The following PDE3B variants were observed in gnomAD, a reference collection of about 807,000 sequenced individuals.
PDE3B encodes the protein cGMP-inhibited 3',5'-cyclic phosphodiesterase 3B.
A neutral mutation model predicts 116.8 loss-of-function variants in PDE3B; 66 were observed. The observed-to-expected ratio is 0.56, with a 90% CI of 0.46 to 0.69. The LOEUF is 0.69. PDE3B is among the 30% of genes least tolerant of loss of function. The pLI is 0.00. For missense variants in PDE3B, 1,384 were observed against 1,368.1 expected (o/e 1.01, Z -0.18); for synonymous variants, 595 against 533.6 (o/e 1.12, Z -1.59).
chr11:14,896,888 C>G, the PDE3B span, among the ~76,000 whole-genome samples: 1 of 152,174 alleles, frequency 6.6e-6, no homozygotes, highest in Non-Finnish European at 1.5e-5. Flanking sequence ...TTTGAAGAAG[C>G]AAACTAACAG....
At chr11:14,889,977 A>C in the PDE3B span, among the ~76,000 whole-genome samples, 5 of 152,006 alleles carry the variant, frequency 3.3e-5, no homozygotes, top group Non-Finnish European at 7.4e-5. Flanking sequence ...AAATTACAAA[A>C]AATTAGCCGG....
intron 5 of PDE3B, among the ~76,000 whole-genome samples, chr11:14,814,977 GAA>G (rs1158354037): frequency 8.3e-6 from 1 of 120,232 alleles, no homozygotes; most frequent in Admixed American, 8.4e-5. Flanking sequence ...CTCAAAAAAA[GAA>G]AAAAAAAAAA....
intron 1 of PDE3B, among the ~76,000 whole-genome samples, chr11:14,658,388 C>T (rs181901154): frequency 8.8e-4 from 134 of 151,998 alleles, no homozygotes; most frequent in Middle Eastern, 6.8e-3. Flanking sequence ...TGGAGTCCTG[C>T]TCTTGTCGCC....
intron 1 of PDE3B, among the ~76,000 whole-genome samples, chr11:14,742,067 T>C (rs1206942243): frequency 3.3e-5 from 5 of 152,112 alleles, no homozygotes; most frequent in Admixed American, 2.0e-4. Flanking sequence ...ATTATGTGTC[T>C]TGGGGTTGTG....
intron 4 of PDE3B, among the ~76,000 whole-genome samples, chr11:14,789,811 G>T (rs923226821): frequency 3.3e-5 from 5 of 151,966 alleles, no homozygotes; most frequent in Non-Finnish European, 7.4e-5. Flanking sequence ...ATGAGGCTGG[G>T]AAAATGCAGG....
intron 1 of PDE3B, among the ~76,000 whole-genome samples, chr11:14,724,071 T>C (rs762240402): frequency 9.2e-5 from 14 of 152,178 alleles, no homozygotes; most frequent in Non-Finnish European, 1.8e-4. Flanking sequence ...GGGGAGACTC[T>C]TAGGAAGCTG....
At chr11:14,823,246 G>C (rs1859578911) in intron 7 of PDE3B, among the ~76,000 whole-genome samples, 1 of 152,148 alleles carries the variant, frequency 6.6e-6, no homozygotes, top group Non-Finnish European at 1.5e-5. Flanking sequence ...AGCTCTATGG[G>C]AAAGCAGCTA....
chr11:14,764,369 T>C (rs1302818697), intron 1 of PDE3B, among the ~76,000 whole-genome samples: 2 of 152,042 alleles, frequency 1.3e-5, no homozygotes, highest in African/African-American at 4.8e-5. Context: ...GGGTTCACTC[T>C]CCCTAGGGTC....
intron 1 of PDE3B, among the ~76,000 whole-genome samples, chr11:14,750,869 A>G (rs979666966): frequency 6.6e-6 from 1 of 152,208 alleles, no homozygotes; most frequent in Non-Finnish European, 1.5e-5. Flanking sequence ...AAATAAACCA[A>G]GATCTCATTC....
the PDE3B span, among the ~76,000 whole-genome samples, chr11:14,889,899 C>T: frequency 6.6e-6 from 1 of 152,092 alleles, no homozygotes; most frequent in East Asian, 1.9e-4. Context: ...GAGGCCGAGG[C>T]GGGCAGATCA....
At chr11:14,829,429 T>C (rs1190747397) in intron 7 of PDE3B, among the ~76,000 whole-genome samples, 1 of 152,156 alleles carries the variant, frequency 6.6e-6, no homozygotes, top group Admixed American at 6.5e-5. Flanking sequence ...ATCTTATATG[T>C]CCATAGTGGA....
Position 14,756,332 on chromosome 11 carries a change from A to G in PDE3B, c.979-15605A>G, listed in dbSNP as rs80280951. ...GTTGAGGGTCATTTAATGACAGACT[A>G]TTTATAAAAGGGTGGAGAGAGTTTT... On this transcript the variant is annotated intron_variant, in intron 1 of 15. Transcript: ENST00000282096. Among the ~76,000 whole-genome samples the G allele has an allele frequency of 6.3e-3, 954 of 152,306 alleles. 12 individuals are homozygous for G. The highest frequency in any genetic ancestry group is 0.022 in the African/African-American group (907 of 41,570).
chr11:14,732,926 C>G (rs185730159), intron 1 of PDE3B, among the ~76,000 whole-genome samples: 247 of 152,250 alleles, frequency 1.6e-3, no homozygotes, highest in Non-Finnish European at 2.9e-3. Context: ...TAGATTGATA[C>G]AATTGCTGTT....
At chr11:14,847,540 A>G (rs1194803029) in intron 12 of PDE3B, among the ~76,000 whole-genome samples, 4 of 151,936 alleles carry the variant, frequency 2.6e-5, no homozygotes, top group South Asian at 2.1e-4. Context: ...CAAAAAATCA[A>G]TGAATCCAGG....
At chr11:14,704,887 T>C (rs1590074951) in intron 1 of PDE3B, among the ~76,000 whole-genome samples, 2 of 151,850 alleles carry the variant, frequency 1.3e-5, no homozygotes, top group Non-Finnish European at 3.0e-5. Context: ...TAAAACCTTT[T>C]GTTCTTTAAA....
intron 1 of PDE3B, among the ~76,000 whole-genome samples, chr11:14,731,674 G>C (rs1209837269): frequency 6.6e-6 from 1 of 152,126 alleles, no homozygotes; most frequent in Non-Finnish European, 1.5e-5. Flanking sequence ...CTATAGTTTA[G>C]TTCTCACAGA....
rs1441006563 is a variant in PDE3B at position 14,870,320 on chromosome 11, TCTG to T, written c.*664_*666del. The stretch of plus-strand genomic sequence containing the variant: ...TATTATCTACTATGTGTGTTTTATT[TCTG>T]CTGAGAGTATTCAGGTTTGCCATGG... On this transcript the variant is annotated 3_prime_UTR_variant, in exon 16 of 16. Transcript: ENST00000282096. The surrounding 1 kb of genome is among the most constrained non-coding windows in gnomAD (Gnocchi z 4.1). The T allele has an allele frequency of 6.6e-6, 1 of 152,644 alleles. No homozygotes were observed. Among genetic ancestry groups the T allele is most frequent in the Non-Finnish European group, 1.5e-5 (1 of 68,038 alleles). 9.5% of individuals were successfully genotyped at this position (152,644 alleles called of 1,614,324 possible). A position where few individuals can be genotyped will look rare whatever the true frequency, so the allele number is the denominator to read the frequency against.
the PDE3B span, chr11:14,890,417 A>G: frequency 1.0e-6 from 1 of 966,330 alleles, no homozygotes; most frequent in Non-Finnish European, 1.2e-6. Context: ...AATAAGATCT[A>G]AGAATTATAC....
chr11:14,714,756 TG>T (rs1411785996), intron 1 of PDE3B, among the ~76,000 whole-genome samples: 2 of 152,096 alleles, frequency 1.3e-5, no homozygotes, highest in Non-Finnish European at 2.9e-5. Flanking sequence ...CTAGTGTGGC[TG>T]AAAAATGGAA....
Sources: allele counts gnomAD v4.1 joint callset (sites outside exome capture counted in the v4.1 genomes callset), GRCh38; gene constraint gnomAD v4.1.1; non-coding constraint Gnocchi (gnomAD v3.1); transcripts MANE v1.5; gene names NCBI Gene and HGNC (gene_info 2026-07-23, HGNC 2026-07-21).